PRPF39: variants seen among roughly 807,000 people sequenced by gnomAD.
The protein encoded by PRPF39 is pre-mRNA processing factor 39.
Under a neutral mutation model 82.1 loss-of-function variants are expected in PRPF39, and 27 were observed. The observed-to-expected ratio is 0.33, with a 90% CI of 0.24 to 0.45. PRPF39 has a LOEUF of 0.45. PRPF39 is among the 20% of genes least tolerant of loss of function. The pLI is 1.00. For synonymous variants in PRPF39, 261 were observed against 256.4 expected, an observed-to-expected ratio of 1.02 and a Z score of -0.17; for missense variants, 581 against 796.9, an observed-to-expected ratio of 0.73 and a Z score of 3.26.
intron 1 of PRPF39, among the ~76,000 whole-genome samples, chr14:45,094,301 T>C (rs73349858): frequency 0.1 from 15,822 of 152,234 alleles, 1,133 homozygotes; most frequent in African/African-American, 0.2. Context: ...TAATGTGGTA[T>C]TACCTTAAAG....
Position 45,090,692 on chromosome 14 carries a change from T to C in PRPF39, c.-19-4529T>C, listed in dbSNP as rs544101837. On this transcript the variant is annotated intron_variant, in intron 1 of 13. Transcript: ENST00000355765. ...TTTTTCAATAATCTTTCACTTTGTT[T>C]CATTTGAGAGCTTATCTCCAAATGT... is the stretch of plus-strand genomic sequence containing the variant. Among the ~76,000 whole-genome samples, 6 of 152,318 alleles carry C rather than the reference T, an allele frequency of 3.9e-5. No homozygotes were observed. In the South Asian group the frequency reaches 1.2e-3, roughly 32 times the overall value.
chr14:45,096,340 G>A (rs1594727406), intron 3 of PRPF39, 112 bp downstream of exon 3: 1 of 1,464,708 alleles, frequency 6.8e-7, no homozygotes. Flanking sequence ...TACCATTTAT[G>A]GTCAAACAAT....
chr14:45,087,683 C>A (rs781298628), intron 1 of PRPF39, among the ~76,000 whole-genome samples: 3 of 151,828 alleles, frequency 2.0e-5, no homozygotes, highest in Non-Finnish European at 4.4e-5. Context: ...ACACCATTCT[C>A]CTACCTCAGC....
Position 45,095,250 on chromosome 14 carries a change from C to T in PRPF39, c.11C>T (p.Ser4Phe), listed in dbSNP as rs757331353. MQN[S>F]HMDEYRNSSN... is the part of the protein sequence containing the mutation. ...TTAACTGAAGACAATATGCAAAATT[C>T]TCACATGGATGAATACAGAAATTCT... is the stretch of plus-strand genomic sequence containing the variant. The change falls in exon 2 of 14, where the codon TCT becomes TTT. Residue 4 changes from serine to phenylalanine, a missense_variant. Coordinates refer to ENST00000355765, the MANE Select transcript of PRPF39 (RefSeq NM_017922.4). The T allele has an allele frequency of 2.5e-6, 4 of 1,585,026 alleles. No homozygotes were observed. In the African/African-American group the frequency reaches 5.4e-5, roughly 21 times the overall value.
At chr14:45,107,392 C>T in intron 5 of PRPF39, 59 bp from the exon 6 acceptor site, 2 of 1,300,822 alleles carry the variant, frequency 1.5e-6, no homozygotes, top group Non-Finnish European at 2.1e-6. Context: ...TAGTAGGAAT[C>T]TCAATATGAG....
intron 1 of PRPF39, among the ~76,000 whole-genome samples, chr14:45,087,734 C>T (rs1217752922): frequency 4.3e-5 from 6 of 140,452 alleles, no homozygotes; most frequent in African/African-American, 1.1e-4. Context: ...TCACCATGCC[C>T]GGCTAATTTT....
intron 1 of PRPF39, 131 bp downstream of exon 1, chr14:45,084,380 G>A (rs544742771): frequency 4.3e-4 from 65 of 152,634 alleles, no homozygotes; most frequent in African/African-American, 1.4e-3. Flanking sequence ...GGCCTGGCTC[G>A]GATTCAGCGC....
chr14:45,099,735 C>T (rs1205972880), intron 4 of PRPF39, among the ~76,000 whole-genome samples: 5 of 152,314 alleles, frequency 3.3e-5, no homozygotes, highest in South Asian at 4.1e-4. Flanking sequence ...TGAGCCACCA[C>T]GCCCGGCCCA....
In PRPF39 at chr14:45,110,025, CG is replaced by C; in HGVS notation, c.1177-68del. The C allele has an allele frequency of 6.3e-7, 1 of 1,598,240 alleles. No individual in the cohort carries two copies. The highest frequency in any genetic ancestry group is 8.5e-7 in the Non-Finnish European group (1 of 1,170,446). ...AATGGGTTTAAAAATAGAATTTTATCGTTCTGTCACAAATTTAATGGCTTGT... is the reference window on the plus strand; with the variant it reads ...AATGGGTTTAAAAATAGAATTTTATCTTCTGTCACAAATTTAATGGCTTGT... On this transcript the variant is annotated intron_variant, in intron 8 of 13. Coordinates refer to ENST00000355765, the MANE Select transcript of PRPF39 (RefSeq NM_017922.4). This position sits in a 1 kb window ranked among gnomAD's most constrained non-coding sequence, Gnocchi z 4.0.
Position 45,110,858 on chromosome 14 carries a change from A to G in PRPF39, c.1572+41A>G, listed in dbSNP as rs1321445731. The G allele has an allele frequency of 2.7e-6, 4 of 1,494,842 alleles. No homozygotes were observed. 92.6% of individuals were successfully genotyped at this position (1,494,842 alleles called of 1,614,324 possible). ...TTTAAGAGTATCTTCTATTAAAAAA[A>G]CCAGTGGTCAGTGTATTTTCACTGT... is the stretch of plus-strand genomic sequence containing the variant. On this transcript the variant is annotated intron_variant, in intron 10 of 13. Coordinates refer to ENST00000355765, the MANE Select transcript of PRPF39 (RefSeq NM_017922.4). This position sits in a 1 kb window ranked among gnomAD's most constrained non-coding sequence, Gnocchi z 4.0.
intron 5 of PRPF39, among the ~76,000 whole-genome samples, chr14:45,105,401 T>G (rs2072079658): frequency 6.6e-6 from 1 of 152,176 alleles, no homozygotes; most frequent in Non-Finnish European, 1.5e-5. Context: ...ACTTCCTTAT[T>G]TTTAATTTTT....
At chr14:45,103,679 C>G (rs976964829) in intron 5 of PRPF39, among the ~76,000 whole-genome samples, 2 of 152,028 alleles carry the variant, frequency 1.3e-5, no homozygotes, top group African/African-American at 2.4e-5. Context: ...AGGAAGCAGG[C>G]AGGTTTCTAA....
chr14:45,098,620 T>G (rs1004440052), intron 4 of PRPF39, among the ~76,000 whole-genome samples: 2 of 152,216 alleles, frequency 1.3e-5, no homozygotes, highest in African/African-American at 4.8e-5. Flanking sequence ...CCAGCAGCTT[T>G]GTAGAAGGCT....
intron 1 of PRPF39, among the ~76,000 whole-genome samples, chr14:45,090,865 T>C (rs917504797): frequency 6.6e-6 from 1 of 152,144 alleles, no homozygotes; most frequent in Non-Finnish European, 1.5e-5. Context: ...CCATCAGGCA[T>C]TGAAAATTTT....
At chr14:45,093,644 C>T (rs1884110197) in intron 1 of PRPF39, among the ~76,000 whole-genome samples, 1 of 152,046 alleles carries the variant, frequency 6.6e-6, no homozygotes, top group African/African-American at 2.4e-5. Flanking sequence ...TACCCTCCTC[C>T]TCCCAGGTTC....
At chr14:45,094,267 G>T (rs1037143320) in intron 1 of PRPF39, among the ~76,000 whole-genome samples, 2 of 152,178 alleles carry the variant, frequency 1.3e-5, no homozygotes, top group African/African-American at 4.8e-5. Context: ...GTTAGTGGAA[G>T]AGATGAAGGT....
chr14:45,109,643 C>T lies in PRPF39; in HGVS notation c.1039C>T (p.Pro347Ser). The change falls in exon 8 of 14, where the codon CCT becomes TCT. Residue 347 changes from proline (P) to serine (S), a missense_variant. Transcript: ENST00000355765. ...TAAAAGACCTTACTTTCATGTGAAA[C>T]CTTTGGAAAAGGCACAACTAAAAAA... is the stretch of plus-strand genomic sequence containing the variant. Reference protein sequence around the residue: ...GIKRPYFHVKPLEKAQLKNWK... With the variant: ...GIKRPYFHVKSLEKAQLKNWK... 1 of 1,606,320 alleles carries T rather than the reference C, an allele frequency of 6.2e-7. No individual in the cohort carries two copies.
chr14:45,111,387 T>C (rs190698401), intron 10 of PRPF39, among the ~76,000 whole-genome samples: 43 of 151,962 alleles, frequency 2.8e-4, no homozygotes, highest in African/African-American at 9.9e-4. Flanking sequence ...TAAGCTGGAG[T>C]GCAGTGGTGC....
In PRPF39 at chr14:45,098,929, T is replaced by A. The variant is rs569725300; in HGVS notation, c.569+1924T>A. ...GGATGCTTGGATGAAAAAATAATTT[T>A]AAGGTTTGGTAAGCTGTAGAATTTG... On this transcript the variant is annotated intron_variant, in intron 4 of 13. Transcript: ENST00000355765. Among the ~76,000 whole-genome samples, 8 of 152,350 alleles carry A rather than the reference T, an allele frequency of 5.3e-5. No individual in the cohort carries two copies. In the South Asian group the frequency reaches 1.4e-3, roughly 28 times the overall value.
Sources: allele counts gnomAD v4.1 joint callset (sites outside exome capture counted in the v4.1 genomes callset), GRCh38; gene constraint gnomAD v4.1.1; non-coding constraint Gnocchi (gnomAD v3.1); transcripts MANE v1.5; gene names NCBI Gene and HGNC (gene_info 2026-07-23, HGNC 2026-07-21).